Variants in MICAL2 observed in about 807,000 individuals in gnomAD.
MICAL2 encodes the protein microtubule associated monooxygenase, calponin and LIM domain containing 2, also known as [F-actin]-monooxygenase MICAL2.
A neutral mutation model predicts 127.3 loss-of-function variants in MICAL2; 77 were observed. The observed-to-expected ratio is 0.60, with a 90% confidence interval of 0.50 to 0.73. The LOEUF (loss-of-function observed/expected upper bound fraction) is 0.73, where lower values mean the gene tolerates loss of function less well. MICAL2 is among the 30% of genes least tolerant of loss of function. The probability of loss-of-function intolerance (pLI) is 0.00; values close to 1 mark genes in which losing one functional copy is unlikely to be tolerated. For missense variants in MICAL2, 1,351 were observed against 1,434.4 expected, an observed-to-expected ratio of 0.94 and a Z score of 0.94; for synonymous variants, 570 against 551.1, an observed-to-expected ratio of 1.03 and a Z score of -0.48.
At chr11:12,165,873 G>A (rs142669295) in intron 3 of MICAL2, among the ~76,000 whole-genome samples, 3 of 152,220 alleles carry the variant, frequency 2.0e-5, no homozygotes, top group African/African-American at 4.8e-5. Context: ...TCTCACTTGG[G>A]ATTATTGTTT....
intron 9 of MICAL2, 143 bp downstream of exon 9, chr11:12,220,601 C>A: frequency 8.3e-7 from 1 of 1,200,094 alleles, no homozygotes; most frequent in Non-Finnish European, 1.1e-6. Flanking sequence ...CCTGTCCCGG[C>A]CTCAGAGCCT....
At chr11:12,297,952 G>A (rs1864005917) in intron 29 of MICAL2, among the ~76,000 whole-genome samples, 3 of 151,360 alleles carry the variant, frequency 2.0e-5, no homozygotes, top group Non-Finnish European at 4.4e-5. Context: ...TTTACTATCT[G>A]ATAGGAAGAG....
At chr11:12,264,193 C>T (rs768412055), downstream of MICAL2, among the ~76,000 whole-genome samples, 87 of 152,108 alleles carry the variant, frequency 5.7e-4, 1 homozygote, top group Admixed American at 2.1e-3. Context: ...TCCTATTCAG[C>T]AAAGGTTGGT....
chr11:12,197,980 A>C (rs974833101), intron 3 of MICAL2, among the ~76,000 whole-genome samples: 2 of 152,212 alleles, frequency 1.3e-5, no homozygotes, highest in African/African-American at 4.8e-5. Context: ...ATTGTTACTC[A>C]GGAATAACTG....
At chr11:12,113,494 GTC>G (rs1849760090) in intron 1 of MICAL2, among the ~76,000 whole-genome samples, 1 of 152,278 alleles carries the variant, frequency 6.6e-6, no homozygotes, top group Non-Finnish European at 1.5e-5. Context: ...GCCTGTGGCT[GTC>G]TCTGCACTCT....
intron 31 of MICAL2, among the ~76,000 whole-genome samples, chr11:12,326,004 A>T (rs978452901): frequency 2.0e-5 from 3 of 152,216 alleles, no homozygotes; most frequent in African/African-American, 7.2e-5. Context: ...TAGACTTTCC[A>T]TCTATTTCAG....
Position 12,239,528 on chromosome 11 carries a change from G to C in MICAL2, c.2157G>C (p.Ala719=), listed in dbSNP as rs375987155. Residue 719 remains alanine (A), a synonymous_variant, in exon 17 of 28, where the codon GCG becomes GCC. Coordinates refer to ENST00000683283, the MANE Select transcript of MICAL2 (RefSeq NM_001282663.2). The stretch of plus-strand genomic sequence containing the variant: ...ATCAGAACAAAGTCAAGTCCATGGC[G>C]AATCAGCTGCTGGCCAAGTTTGAGG... ...GGNQNKVKSM[A]NQLLAKFEES... The C allele has an allele frequency of 6.2e-7, 1 of 1,614,180 alleles. No homozygotes were observed. The highest frequency in any genetic ancestry group is 1.1e-5 in the South Asian group (1 of 91,078).
chr11:12,321,429 T>C (rs1404291190), intron 30 of MICAL2, among the ~76,000 whole-genome samples: 2 of 152,162 alleles, frequency 1.3e-5, no homozygotes, highest in Admixed American at 1.3e-4. Context: ...AGGCAGGATG[T>C]GTCCTCTTGG....
chr11:12,300,630 G>C (rs939561325), intron 29 of MICAL2, among the ~76,000 whole-genome samples: 22 of 152,158 alleles, frequency 1.4e-4, no homozygotes, highest in African/African-American at 5.3e-4. Flanking sequence ...CAAGCAGCAA[G>C]AAAACAGACC....
At chr11:12,158,412 G>C (rs1457218044) in intron 2 of MICAL2, among the ~76,000 whole-genome samples, 1 of 151,792 alleles carries the variant, frequency 6.6e-6, no homozygotes, top group Admixed American at 6.6e-5. Context: ...TGATTCCTTA[G>C]AGCCCCATGA....
intron 15 of MICAL2, among the ~76,000 whole-genome samples, chr11:12,235,231 T>A (rs915823912): frequency 1.3e-5 from 2 of 152,136 alleles, no homozygotes; most frequent in African/African-American, 4.8e-5. Flanking sequence ...ACTCCAGCCA[T>A]AGCATCAGCT....
intron 2 of MICAL2, among the ~76,000 whole-genome samples, chr11:12,157,235 A>G (rs1854287023): frequency 6.6e-6 from 1 of 152,192 alleles, no homozygotes; most frequent in African/African-American, 2.4e-5. Flanking sequence ...AAGAGGCATC[A>G]GAGTCCTAAA....
rs1417759290 is a variant in MICAL2 at position 12,245,539 on chromosome 11, A to AC, written c.2784+1431dup. The stretch of plus-strand genomic sequence containing the variant: ...GAGGCCACCAGTGTTAATGGGAAGC[A>AC]CCCCAGAAAGGGCAGCAGCAGGTAA... On this transcript the variant is annotated intron_variant, in intron 21 of 27. Coordinates refer to ENST00000683283, the MANE Select transcript of MICAL2 (RefSeq NM_001282663.2). 4.1e-4 allele frequency among the ~76,000 whole-genome samples: 63 copies of AC among 152,316 alleles called. 1 individual carries two copies. Among genetic ancestry groups the AC allele is most frequent in the Non-Finnish European group, 5.9e-5 (4 of 68,022 alleles).
chr11:12,255,488 C>T, intron 22 of MICAL2, 155 bp from the exon 23 acceptor site: 1 of 635,564 alleles, frequency 1.6e-6, no homozygotes, highest in Non-Finnish European at 2.8e-6. Flanking sequence ...TCCCCGCGTT[C>T]TGCTCCTGGC....
intron 18 of MICAL2, 62 bp from the exon 19 acceptor site, chr11:12,242,152 A>C: frequency 7.3e-7 from 1 of 1,377,362 alleles, no homozygotes; most frequent in East Asian, 2.5e-5. Context: ...GGGATCCCTC[A>C]TGGTGAGGGT....
chr11:12,353,457 A>T (rs1024771619), intron 33 of MICAL2, among the ~76,000 whole-genome samples: 2 of 151,860 alleles, frequency 1.3e-5, no homozygotes, highest in African/African-American at 4.9e-5. Flanking sequence ...TCTGTCTTCA[A>T]ACTGTTTCTT....
At chr11:12,120,543 C>T (rs902008731) in intron 1 of MICAL2, among the ~76,000 whole-genome samples, 1 of 152,096 alleles carries the variant, frequency 6.6e-6, no homozygotes, top group Non-Finnish European at 1.5e-5. Context: ...ATGGAATGTC[C>T]ACAGAGTCCC....
intron 3 of MICAL2, among the ~76,000 whole-genome samples, chr11:12,183,041 T>C (rs1389780229): frequency 6.6e-6 from 1 of 152,178 alleles, no homozygotes; most frequent in African/African-American, 2.4e-5. Flanking sequence ...AGATGGAAAA[T>C]GCAGCCTATT....
chr11:12,348,174 AG>A (rs1938987276), intron 32 of MICAL2, among the ~76,000 whole-genome samples: 1 of 150,590 alleles, frequency 6.6e-6, no homozygotes. Context: ...AAAAAAAAAA[AG>A]GCATAGTATT....
Sources: gnomAD v4.1 joint callset for allele counts (sites outside exome capture counted in the v4.1 genomes callset) on GRCh38, gnomAD v4.1.1 for gene constraint, MANE v1.5 for transcripts, NCBI Gene and HGNC (gene_info 2026-07-23, HGNC 2026-07-21) for gene names.